CELSR1: variants seen among roughly 807,000 people sequenced by gnomAD.
The protein encoded by CELSR1 is cadherin EGF LAG seven-pass G-type receptor 1, also known as adhesion G protein-coupled receptor C1.
CELSR1 carries 110 observed loss-of-function variants against 249.1 expected under a neutral mutation model. That is an observed-to-expected ratio of 0.44 (90% confidence interval 0.38 to 0.52). The LOEUF (loss-of-function observed/expected upper bound fraction) is 0.52. Ranked by LOEUF, CELSR1 falls within the 20% of genes least tolerant of loss-of-function variation. The pLI is 0.00. For synonymous variants in CELSR1, 2,113 were observed against 1,900.0 expected, an observed-to-expected ratio of 1.11 and a Z score of -2.92; for missense variants, 4,109 against 4,296.4, an observed-to-expected ratio of 0.96 and a Z score of 1.22.
rs1339080826 is a variant in CELSR1 at position 46,448,860 on chromosome 22, A to G, written c.4184-9449T>C. The stretch of plus-strand genomic sequence containing the variant: ...CACAGTCTTGAAGACACAACCCAAC[A>G]GCGTGGCTCATGTGTCAGAAACTTC... On this transcript the variant is annotated intron_variant, in intron 2 of 34. Transcript: ENST00000674500. This position sits in a 1 kb window ranked among gnomAD's most constrained non-coding sequence, Gnocchi z 5.7. Among the ~76,000 whole-genome samples, 1 of 152,182 alleles carries G rather than the reference A, an allele frequency of 6.6e-6. No homozygotes were observed. Among genetic ancestry groups the G allele is most frequent in the East Asian group, 1.9e-4 (1 of 5,190 alleles).
chr22:46,391,754 G>A lies in CELSR1; in HGVS notation c.6027C>T (p.Gly2009=), dbSNP rs2079094851. Residue 2009 remains glycine, a synonymous_variant, in exon 15 of 35, where the codon GGC becomes GGT. Coordinates refer to ENST00000674500, the MANE Select transcript of CELSR1 (RefSeq NM_001378328.1). This position sits in a 1 kb window ranked among gnomAD's most constrained non-coding sequence, Gnocchi z 4.3. The part of the protein sequence containing the change: ...TCLPCDCFPH[G]SHSRTCDMAT... Reference sequence around the variant, plus strand: ...CCATGTCGCAAGTGCGGCTGTGGGAGCCATGGGGGAAGCAGTCGCAGGGCA... The same window carrying A: ...CCATGTCGCAAGTGCGGCTGTGGGAACCATGGGGGAAGCAGTCGCAGGGCA... The A allele has an allele frequency of 6.2e-7, 1 of 1,612,698 alleles. No individual in the cohort carries two copies. Among genetic ancestry groups the A allele is most frequent in the Non-Finnish European group, 8.5e-7 (1 of 1,179,892 alleles).
In CELSR1 at chr22:46,364,298, G is replaced by A. The variant is rs770496268; in HGVS notation, c.8780-47C>T. The stretch of plus-strand genomic sequence containing the variant: ...AGGTCAAGTCCGGGTGATGCTGCCG[G>A]GGGCAGCTGCTGGGCCGTGTGCAGC... On this transcript the variant is annotated intron_variant, in intron 33 of 34. Transcript: ENST00000674500. 23 of 1,591,470 alleles carry A rather than the reference G, an allele frequency of 1.4e-5. No homozygotes were observed. In the East Asian group the frequency reaches 2.0e-4, roughly 14 times the overall value.
Position 46,408,316 on chromosome 22 carries a change from T to C in CELSR1, c.5226+680A>G, listed in dbSNP as rs1256142684. 6.6e-6 allele frequency among the ~76,000 whole-genome samples: 1 copy of C among 152,172 alleles called. No individual in the cohort carries two copies. Among genetic ancestry groups the C allele is most frequent in the South Asian group, 2.1e-4 (1 of 4,828 alleles). ...AGCTCCCAGAGAAAGTGGACGTGCATTGGTGCCAACCACCACCTGGCTGTG... is the reference window on the plus strand; with the variant it reads ...AGCTCCCAGAGAAAGTGGACGTGCACTGGTGCCAACCACCACCTGGCTGTG... On this transcript the variant is annotated intron_variant, in intron 9 of 34. Transcript: ENST00000674500. The surrounding 1 kb of genome is among the most constrained non-coding windows in gnomAD (Gnocchi z 4.6).
At chr22:46,389,946 C>A (rs191197131) in intron 17 of CELSR1, among the ~76,000 whole-genome samples, 51 of 151,886 alleles carry the variant, frequency 3.4e-4, no homozygotes, top group African/African-American at 1.2e-3. Flanking sequence ...AGTGAGACTC[C>A]ATCTCCAAAA....
chr22:46,516,997 C>A (rs1473608511), intron 1 of CELSR1, among the ~76,000 whole-genome samples: 2 of 152,200 alleles, frequency 1.3e-5, no homozygotes, highest in Non-Finnish European at 2.9e-5. Context: ...AGCAAAGGAA[C>A]CTTTATCACC....
intron 1 of CELSR1, among the ~76,000 whole-genome samples, chr22:46,514,307 G>C (rs968561494): frequency 6.6e-6 from 1 of 152,136 alleles, no homozygotes; most frequent in Admixed American, 6.5e-5. Flanking sequence ...CAATGGAGCC[G>C]GCATTTCTGA....
Position 46,536,764 on chromosome 22 carries a change from G to C in CELSR1, c.407C>G (p.Pro136Arg), listed in dbSNP as rs1018164209. ...ATGCTGCGCGGCCGCGCAGCCGCCGGGGACGGGGAAGCAGAGCGCCCCGCA... is the reference window on the plus strand; with the variant it reads ...ATGCTGCGCGGCCGCGCAGCCGCCGCGGACGGGGAAGCAGAGCGCCCCGCA... ...RLCGALCFPV[P>R]GGCAAAQHSA... The change falls in exon 1 of 35, where the codon CCC (proline) becomes CGC (arginine). Residue 136 changes from proline (P) to arginine (R), a missense_variant. By Grantham distance (103) the Pro-to-Arg change is moderately radical. This residue lies in a region of CELSR1 where 673 missense variants were observed against 636.8 expected (regional missense o/e 1.06). Coordinates refer to ENST00000674500, the MANE Select transcript of CELSR1 (RefSeq NM_001378328.1). 1 of 1,183,882 alleles carries C rather than the reference G, an allele frequency of 8.4e-7. No individual in the cohort carries two copies. Among genetic ancestry groups the C allele is most frequent in the Non-Finnish European group, 1.0e-6 (1 of 958,506 alleles). 73.3% of individuals were successfully genotyped at this position (1,183,882 alleles called of 1,614,324 possible).
In CELSR1 at chr22:46,380,744, G is replaced by A. The variant is rs772230880; in HGVS notation, c.7256+44C>T. The A allele has an allele frequency of 1.6e-5, 25 of 1,598,252 alleles. No homozygotes were observed. The highest frequency in any genetic ancestry group is 1.4e-4 in the South Asian group (13 of 90,546). On this transcript the variant is annotated intron_variant, in intron 22 of 34. Transcript: ENST00000674500. This position sits in a 1 kb window ranked among gnomAD's most constrained non-coding sequence, Gnocchi z 5.1. ...GCCCCCGACCCTGCGGGGGCACTCT[G>A]CCTTGGCAAAGCCCTCACATGGGGC...
rs1034186053 is a variant in CELSR1 at position 46,391,927 on chromosome 22, C to T, written c.5965-111G>A. On this transcript the variant is annotated intron_variant, in intron 14 of 34. Transcript: ENST00000674500. The surrounding 1 kb of genome is among the most constrained non-coding windows in gnomAD (Gnocchi z 4.3). ...CTCCCACCCGGGTGTGTGTGTTGGC[C>T]GCCAGCCATCCCACCCCTCATGGCT... is the stretch of plus-strand genomic sequence containing the variant. The T allele has an allele frequency of 8.6e-6, 10 of 1,164,278 alleles. No individual in the cohort carries two copies. Among genetic ancestry groups the T allele is most frequent in the African/African-American group, 3.2e-5 (2 of 62,592 alleles). 72.1% of individuals were successfully genotyped at this position (1,164,278 alleles called of 1,614,324 possible).
At chr22:46,389,189 C>A (rs2079061872) in intron 18 of CELSR1, 101 bp downstream of exon 18, 1 of 1,291,744 alleles carries the variant, frequency 7.7e-7, no homozygotes, top group Non-Finnish European at 1.1e-6. Flanking sequence ...ACACAACCGT[C>A]TTCCACGAAC....
intron 1 of CELSR1, among the ~76,000 whole-genome samples, chr22:46,469,546 C>T (rs1057085954): frequency 3.9e-5 from 6 of 152,068 alleles, no homozygotes; most frequent in African/African-American, 4.8e-5. Context: ...GATGGAGTCT[C>T]GCTCTGTTGC....
intron 13 of CELSR1, 26 bp from the exon 14 acceptor site, chr22:46,394,288 G>A (rs369372390): frequency 9.3e-6 from 15 of 1,606,128 alleles, no homozygotes; most frequent in East Asian, 2.2e-5. Context: ...GAGGGCAGCT[G>A]GAAGGTTTAT....
intron 1 of CELSR1, among the ~76,000 whole-genome samples, chr22:46,521,810 G>A (rs1320786961): frequency 6.6e-6 from 1 of 152,164 alleles, no homozygotes; most frequent in East Asian, 1.9e-4. Context: ...GAGTGAGACT[G>A]TGTCTCAAAA....
In CELSR1 at chr22:46,446,266, C is replaced by CT. The variant is rs1458301843; in HGVS notation, c.4184-6856dup. 6.6e-6 allele frequency among the ~76,000 whole-genome samples: 1 copy of CT among 152,210 alleles called. No homozygotes were observed. Among genetic ancestry groups the CT allele is most frequent in the African/African-American group, 2.4e-5 (1 of 41,452 alleles). On this transcript the variant is annotated intron_variant, in intron 2 of 34. Transcript: ENST00000674500. This position sits in a 1 kb window ranked among gnomAD's most constrained non-coding sequence, Gnocchi z 5.5. The stretch of plus-strand genomic sequence containing the variant: ...CCTCTCTCTTAGTCTCTGCATGTGG[C>CT]TTTCCAGTGCCTGGAGGCCACCCGC...
At position 46,512,927 on chromosome 22, in the gene CELSR1, G is replaced by A. The variant is rs1318231537; in HGVS notation, c.3544+20700C>T. Among the ~76,000 whole-genome samples, 1 of 152,182 alleles carries A rather than the reference G, an allele frequency of 6.6e-6. No individual in the cohort carries two copies. Among genetic ancestry groups the A allele is most frequent in the South Asian group, 2.1e-4 (1 of 4,830 alleles). The stretch of plus-strand genomic sequence containing the variant: ...CCCCGGGTGGCCCCGCATGGCAGGC[G>A]ACGTCCTCCTCCAGGCTGGGCCTCT... On this transcript the variant is annotated intron_variant, in intron 1 of 34. Coordinates refer to ENST00000674500, the MANE Select transcript of CELSR1 (RefSeq NM_001378328.1). The surrounding 1 kb of genome is among the most constrained non-coding windows in gnomAD (Gnocchi z 5.2).
chr22:46,459,320 G>A (rs1326267331), intron 2 of CELSR1, among the ~76,000 whole-genome samples: 1 of 152,158 alleles, frequency 6.6e-6, no homozygotes, highest in Non-Finnish European at 1.5e-5. Flanking sequence ...TTCTTGTGGG[G>A]AAGGAACAGC....
At chr22:46,425,382 T>C (rs912917651) in intron 5 of CELSR1, among the ~76,000 whole-genome samples, 4 of 152,260 alleles carry the variant, frequency 2.6e-5, no homozygotes, top group Non-Finnish European at 4.4e-5. Context: ...TAAATATTTG[T>C]TAGAATTCTC....
Position 46,398,437 on chromosome 22 carries a change from G to A in CELSR1, c.5526+87C>T. 1 of 867,816 alleles carries A rather than the reference G, an allele frequency of 1.2e-6. No homozygotes were observed. The highest frequency in any genetic ancestry group is 1.8e-6 in the Non-Finnish European group (1 of 559,660). 53.8% of individuals were successfully genotyped at this position (867,816 alleles called of 1,614,324 possible). On this transcript the variant is annotated intron_variant, in intron 11 of 34. Transcript: ENST00000674500. The surrounding 1 kb of genome is among the most constrained non-coding windows in gnomAD (Gnocchi z 7.2). ...TTCACTCGTTGAAAGCTAACAGGTT[G>A]ACCAACGGAACCACCTATGGTGCTG... is the stretch of plus-strand genomic sequence containing the variant.
At chr22:46,489,299 G>A (rs5768824) in intron 1 of CELSR1, among the ~76,000 whole-genome samples, 7,041 of 151,898 alleles carry the variant, frequency 0.046, 248 homozygotes, top group Admixed American at 0.085. Flanking sequence ...GCAGGGAGAT[G>A]CCATGCTCTC....
Sources: allele counts gnomAD v4.1 joint callset (sites outside exome capture counted in the v4.1 genomes callset), GRCh38; gene constraint gnomAD v4.1.1; regional missense constraint gnomAD v4.1.1; non-coding constraint Gnocchi (gnomAD v3.1); transcripts MANE v1.5; gene names NCBI Gene and HGNC (gene_info 2026-07-23, HGNC 2026-07-21).